Variants in CDC25A observed in about 807,000 individuals in gnomAD.
CDC25A encodes the protein M-phase inducer phosphatase 1.
In CDC25A, 17 loss-of-function variants were observed where a neutral mutation model predicts 64.6. The observed-to-expected ratio is 0.26, with a 90% CI of 0.18 to 0.39. The LOEUF (loss-of-function observed/expected upper bound fraction) is 0.39, where lower values mean the gene tolerates loss of function less well. Among genes scored for constraint, CDC25A ranks in the 10% least tolerant of loss-of-function variants. The pLI, the probability that CDC25A is intolerant of heterozygous loss-of-function variation, is 1.00. For synonymous variants in CDC25A, 229 were observed against 238.6 expected (o/e 0.96, Z 0.37); for missense variants, 473 against 654.8 (o/e 0.72, Z 3.03).
intron 9 of CDC25A, among the ~76,000 whole-genome samples, chr3:48,171,889 C>T (rs975511055): frequency 8.5e-5 from 13 of 152,194 alleles, no homozygotes; most frequent in Non-Finnish European, 1.8e-4. Context: ...GGTGCACTGG[C>T]CTGTGCCTGT....
At chr3:48,187,754 C>T in intron 1 of CDC25A, 24 bp downstream of exon 1, 1 of 1,528,252 alleles carries the variant, frequency 6.5e-7, no homozygotes, top group Non-Finnish European at 8.8e-7. Context: ...GGGCCCGGAG[C>T]ACCGCCCGCC....
intron 8 of CDC25A, 61 bp downstream of exon 8, chr3:48,177,310 A>ACTACT: frequency 7.9e-7 from 1 of 1,263,108 alleles, no homozygotes; most frequent in Non-Finnish European, 1.2e-6. Context: ...TCAACTAAGG[A>ACTACT]CTACTCTGTC....
chr3:48,157,237 G>A lies in CDC25A; in HGVS notation c.*1708C>T, dbSNP rs1035926161. 5 of 152,210 alleles carry A rather than the reference G, an allele frequency of 3.3e-5. No individual in the cohort carries two copies. Among genetic ancestry groups the A allele is most frequent in the African/African-American group, 7.2e-5 (3 of 41,454 alleles). The allele number at this position is 152,210 out of a possible 1,614,324, so 9.4% of individuals were successfully genotyped here. ...ACAGTTGGTTAGTAATGCTAGCTAA[G>A]CTGGTATAATCTGAAGGCCATCCCA... On this transcript the variant is annotated 3_prime_UTR_variant, in exon 15 of 15. Transcript: ENST00000302506.
At chr3:48,174,548 A>T in intron 8 of CDC25A, 91 bp from the exon 9 acceptor site, 1 of 1,265,296 alleles carries the variant, frequency 7.9e-7, no homozygotes, top group Admixed American at 2.4e-5. Context: ...TCCTGGGATG[A>T]TCTAAGATCA....
Position 48,164,173 on chromosome 3 carries a change from T to C in CDC25A, c.1322+134A>G, listed in dbSNP as rs1036059115. 9 of 753,950 alleles carry C rather than the reference T, an allele frequency of 1.2e-5. No homozygotes were observed. The East Asian group carries it at 1.5e-4, about 12-fold the overall frequency. 46.7% of individuals were successfully genotyped at this position (753,950 alleles called of 1,614,324 possible). A position where few individuals can be genotyped will look rare whatever the true frequency, so the allele number is the denominator to read the frequency against. Reference sequence around the variant, plus strand: ...GTTCACCTCAGGATAAAATTACATATGAAAATGGCTTGTTATGTGCCAGAG... The same window carrying C: ...GTTCACCTCAGGATAAAATTACATACGAAAATGGCTTGTTATGTGCCAGAG... On this transcript the variant is annotated intron_variant, in intron 13 of 14. Coordinates refer to ENST00000302506, the MANE Select transcript of CDC25A (RefSeq NM_001789.3).
In CDC25A at chr3:48,174,449, T is replaced by A; in HGVS notation, c.765A>T (p.Arg255=). The part of the protein sequence containing the change: ...LVMRTTNLDN[R]CKLFDSPSLC... ...GGGAAGGGGAGTCAAACAGCTTGCATCGGTTGTCCTTACAGGAAAAAAAAC... is the reference window on the plus strand; with the variant it reads ...GGGAAGGGGAGTCAAACAGCTTGCAACGGTTGTCCTTACAGGAAAAAAAAC... The change falls in exon 9 of 15, where the codon CGA becomes CGT. Residue 255 remains arginine, a synonymous_variant. Coordinates refer to ENST00000302506, the MANE Select transcript of CDC25A (RefSeq NM_001789.3). 1.2e-6 allele frequency: 2 copies of A among 1,607,848 alleles called. No individual in the cohort carries two copies. The highest frequency in any genetic ancestry group is 1.7e-6 in the Non-Finnish European group (2 of 1,178,440).
chr3:48,165,059 G>A (rs920235357), intron 12 of CDC25A, among the ~76,000 whole-genome samples: 31 of 136,782 alleles, frequency 2.3e-4, no homozygotes, highest in Non-Finnish European at 4.0e-4. Context: ...GTGGTGATCC[G>A]AGATCATGCC....
chr3:48,177,500 A>G lies in CDC25A; in HGVS notation c.685-58T>C, dbSNP rs866453474. 11 of 1,335,476 alleles carry G rather than the reference A, an allele frequency of 8.2e-6. No homozygotes were observed. The Middle Eastern group carries it at 5.7e-4, about 69-fold the overall frequency. 82.7% of individuals were successfully genotyped at this position (1,335,476 alleles called of 1,614,324 possible). A position where few individuals can be genotyped will look rare whatever the true frequency, so the allele number is the denominator to read the frequency against. Reference sequence around the variant, plus strand: ...GCCTGTAGAGACTAACATTTGTTTAAGTGCTTTAGGTGTGTTTCTCCCTGA... The same window carrying G: ...GCCTGTAGAGACTAACATTTGTTTAGGTGCTTTAGGTGTGTTTCTCCCTGA... On this transcript the variant is annotated intron_variant, in intron 7 of 14. Coordinates refer to ENST00000302506, the MANE Select transcript of CDC25A (RefSeq NM_001789.3).
intron 5 of CDC25A, 74 bp from the exon 6 acceptor site, chr3:48,180,914 A>G: frequency 6.7e-7 from 1 of 1,485,412 alleles, no homozygotes; most frequent in Non-Finnish European, 9.3e-7. Flanking sequence ...AAGAGGCAAG[A>G]AAGTGGGCAC....
At chr3:48,184,812 A>C in intron 2 of CDC25A, 117 bp from the exon 3 acceptor site, 1 of 692,248 alleles carries the variant, frequency 1.4e-6, no homozygotes, top group Non-Finnish European at 2.4e-6. Flanking sequence ...ACAAATATTC[A>C]TGGCTTGTAC....
At chr3:48,179,377 T>A (rs1231812910) in intron 6 of CDC25A, among the ~76,000 whole-genome samples, 2 of 152,138 alleles carry the variant, frequency 1.3e-5, no homozygotes, top group African/African-American at 4.8e-5. Context: ...ACTTGGGAAT[T>A]TAGAGATTGT....
intron 8 of CDC25A, among the ~76,000 whole-genome samples, chr3:48,175,573 G>A (rs986665010): frequency 3.3e-5 from 5 of 152,136 alleles, no homozygotes; most frequent in African/African-American, 1.2e-4. Flanking sequence ...CATAGAGACC[G>A]GGGATTTTCT....
At chr3:48,168,854 T>C (rs902441631) in intron 9 of CDC25A, among the ~76,000 whole-genome samples, 3 of 152,018 alleles carry the variant, frequency 2.0e-5, no homozygotes, top group Non-Finnish European at 4.4e-5. Context: ...GGTTTCACCA[T>C]GTTGGCCAGA....
chr3:48,180,758 A>C lies in CDC25A; in HGVS notation c.512T>G (p.Leu171Arg). ...GGCAGAGTTCTGCCTCTGTGTGAAG[A>C]GATCTTTACCCTCCTGGAGTCCATG... ...HSHGLQEGKD[L>R]FTQRQNSAPA... The change falls in exon 6 of 15, where the codon CTC becomes CGC. Residue 171 changes from leucine (L) to arginine (R), a missense_variant. Physicochemically the swap from Leu to Arg is moderately radical, Grantham distance 102. Coordinates refer to ENST00000302506, the MANE Select transcript of CDC25A (RefSeq NM_001789.3). 6.2e-7 allele frequency: 1 copy of C among 1,614,178 alleles called. No homozygotes were observed. Among genetic ancestry groups the C allele is most frequent in the Non-Finnish European group, 8.5e-7 (1 of 1,180,006 alleles).
chr3:48,165,769 C>T lies in CDC25A; in HGVS notation c.1093-35G>A, dbSNP rs1189037507. ...GAAAATTAGGGAGAATCAACTTTGA[C>T]CGTCAGGGAAAACTAGATTCAAGTA... On this transcript the variant is annotated intron_variant, in intron 11 of 14. Coordinates refer to ENST00000302506, the MANE Select transcript of CDC25A (RefSeq NM_001789.3). 5 of 1,597,938 alleles carry T rather than the reference C, an allele frequency of 3.1e-6. No individual in the cohort carries two copies. In the South Asian group the frequency reaches 3.3e-5, roughly 11 times the overall value.
Position 48,160,471 on chromosome 3 carries a change from C to T in CDC25A, c.1323-1016G>A, listed in dbSNP as rs1315823292. 9.4e-5 allele frequency among the ~76,000 whole-genome samples: 14 copies of T among 148,208 alleles called. No homozygotes were observed. The Admixed American group carries it at 9.5e-4, about 10-fold the overall frequency. On this transcript the variant is annotated intron_variant, in intron 13 of 14. Coordinates refer to ENST00000302506, the MANE Select transcript of CDC25A (RefSeq NM_001789.3). ...TGTCGCCCAGGCTGGAGTGCACTGG[C>T]GCGATCTCGGCTCACTGCAACCTCT...
chr3:48,184,959 G>C (rs1217703778), intron 2 of CDC25A, among the ~76,000 whole-genome samples: 7 of 152,174 alleles, frequency 4.6e-5, no homozygotes, highest in African/African-American at 1.7e-4. Flanking sequence ...TTTGAGAAGA[G>C]GGTGAATAAA....
chr3:48,161,407 TGAG>T (rs1327144680), intron 13 of CDC25A: 1 of 158,626 alleles, frequency 6.3e-6, no homozygotes, highest in Non-Finnish European at 1.4e-5. Context: ...GATGGGGAAA[TGAG>T]AGATTAAGAG....
intron 8 of CDC25A, among the ~76,000 whole-genome samples, chr3:48,176,736 C>T (rs576442938): frequency 5.9e-5 from 9 of 151,378 alleles, no homozygotes; most frequent in African/African-American, 1.5e-4. Context: ...TTTGGGAGGT[C>T]GAGGTGGGCA....
Sources: allele counts gnomAD v4.1 joint callset (sites outside exome capture counted in the v4.1 genomes callset), GRCh38; gene constraint gnomAD v4.1.1; transcripts MANE v1.5; gene names NCBI Gene and HGNC (gene_info 2026-07-23, HGNC 2026-07-21).